Variants in ADAM17 observed in about 807,000 individuals in gnomAD.
ADAM17 encodes ADAM metallopeptidase domain 17.
ADAM17 carries 39 observed loss-of-function variants against 96.7 expected under a neutral mutation model. That is an observed-to-expected ratio of 0.40 (90% CI 0.31 to 0.53). The LOEUF is 0.53. Ranked by LOEUF, ADAM17 falls within the 20% of genes least tolerant of loss-of-function variation. ADAM17 has a pLI of 0.44. For missense variants in ADAM17, 777 were observed against 1,013.2 expected, an observed-to-expected ratio of 0.77 and a Z score of 3.17; for synonymous variants, 344 against 359.2, an observed-to-expected ratio of 0.96 and a Z score of 0.48.
Position 9,502,157 on chromosome 2 carries a change from C to G in ADAM17, c.1648+16G>C. ...CTTGACCCACAGCATTCCAAGGAAG[C>G]AACAAGAACACGAACCTGTGCAGTA... is the stretch of plus-strand genomic sequence containing the variant. On this transcript the variant is annotated intron_variant, in intron 13 of 18. Transcript: ENST00000310823. 2 of 1,607,186 alleles carry G rather than the reference C, an allele frequency of 1.2e-6. No individual in the cohort carries two copies. The highest frequency in any genetic ancestry group is 1.7e-6 in the Non-Finnish European group (2 of 1,174,204).
At chr2:9,523,127 T>C (rs1313534731) in intron 7 of ADAM17, 122 bp downstream of exon 7, 2 of 661,472 alleles carry the variant, frequency 3.0e-6, no homozygotes, top group Non-Finnish European at 2.5e-6. Context: ...AAAAAATCAT[T>C]GGCATCTGAG....
intron 1 of ADAM17, among the ~76,000 whole-genome samples, chr2:9,543,905 A>G (rs1345616593): frequency 6.6e-6 from 1 of 152,240 alleles, no homozygotes; most frequent in Non-Finnish European, 1.5e-5. Context: ...AACAGCTAGA[A>G]GACTTGTAAT....
chr2:9,513,496 C>G (rs1663856626), intron 10 of ADAM17, among the ~76,000 whole-genome samples: 1 of 152,116 alleles, frequency 6.6e-6, no homozygotes, highest in Non-Finnish European at 1.5e-5. Flanking sequence ...TCTTGTGGGA[C>G]TGGGCCCTCA....
At position 9,543,342 on chromosome 2, in the gene ADAM17, C is replaced by T. The variant is rs576672880; in HGVS notation, c.98-57G>A. 83 of 1,389,264 alleles carry T rather than the reference C, an allele frequency of 6.0e-5. 3 individuals are homozygous for T. In the South Asian group the frequency reaches 1.1e-3, roughly 19 times the overall value. 86.1% of individuals were successfully genotyped at this position (1,389,264 alleles called of 1,614,324 possible). ...TAAACCTAATAATCAATTGTAGTATCGTTAAAATGAGAGTGCCAGACAATA... is the reference window on the plus strand; with the variant it reads ...TAAACCTAATAATCAATTGTAGTATTGTTAAAATGAGAGTGCCAGACAATA... On this transcript the variant is annotated intron_variant, in intron 1 of 18. Transcript: ENST00000310823.
At position 9,502,078 on chromosome 2, in the gene ADAM17, A is replaced by C. The variant is rs1029436216; in HGVS notation, c.1648+95T>G. 36 of 1,077,444 alleles carry C rather than the reference A, an allele frequency of 3.3e-5. No individual in the cohort carries two copies. In the Admixed American group the frequency reaches 7.7e-4, roughly 23 times the overall value. 66.7% of individuals were successfully genotyped at this position (1,077,444 alleles called of 1,614,324 possible). A position where few individuals can be genotyped will look rare whatever the true frequency, so the allele number is the denominator to read the frequency against. On this transcript the variant is annotated intron_variant, in intron 13 of 18. Transcript: ENST00000310823. The stretch of plus-strand genomic sequence containing the variant: ...AACCCGGCATATGAGATTAAAAATA[A>C]GGTGTCTCTCATCTGAACAAAACAT...
chr2:9,549,809 G>A (rs542959538), intron 1 of ADAM17, among the ~76,000 whole-genome samples: 98 of 152,222 alleles, frequency 6.4e-4, no homozygotes, highest in Admixed American at 1.7e-3. Context: ...GTGAGCCACC[G>A]CGCCCAGCTT....
intron 10 of ADAM17, 146 bp downstream of exon 10, chr2:9,517,755 C>A: frequency 1.9e-6 from 1 of 532,078 alleles, no homozygotes; most frequent in East Asian, 3.5e-5. Flanking sequence ...TTCATATATC[C>A]CACAAAAATA....
intron 1 of ADAM17, among the ~76,000 whole-genome samples, chr2:9,553,792 G>C (rs919372669): frequency 2.0e-5 from 3 of 152,182 alleles, no homozygotes; most frequent in Non-Finnish European, 4.4e-5. Context: ...GGCCAGGAGC[G>C]GTGGTTCATG....
At position 9,493,740 on chromosome 2, in the gene ADAM17, C is replaced by T; in HGVS notation, c.1993+7G>A. 2 of 1,611,732 alleles carry T rather than the reference C, an allele frequency of 1.2e-6. No individual in the cohort carries two copies. The highest frequency in any genetic ancestry group is 1.7e-6 in the Non-Finnish European group (2 of 1,178,076). The stretch of plus-strand genomic sequence containing the variant: ...CTCTCAGTAAGTAATCTGGGGAAAT[C>T]ACCTACCAAAAGTATTGATGCTCAG... On this transcript the variant is annotated splice_region_variant and intron_variant, in intron 16 of 18. Coordinates refer to ENST00000310823, the MANE Select transcript of ADAM17 (RefSeq NM_003183.6).
At position 9,526,249 on chromosome 2, in the gene ADAM17, T is replaced by A; in HGVS notation, c.620-5A>T. ...TTTTCACTCGATGAACAAGCTCTAA[T>A]ATGAATTTGTATGCACTATTAAATC... On this transcript the variant is annotated splice_polypyrimidine_tract_variant and splice_region_variant and intron_variant, in intron 5 of 18. Transcript: ENST00000310823. 1 of 1,612,070 alleles carries A rather than the reference T, an allele frequency of 6.2e-7. No individual in the cohort carries two copies. Among genetic ancestry groups the A allele is most frequent in the Non-Finnish European group, 8.5e-7 (1 of 1,179,422 alleles).
intron 11 of ADAM17, chr2:9,507,124 G>C (rs1478684481): frequency 6.6e-6 from 1 of 152,090 alleles, no homozygotes; most frequent in East Asian, 1.9e-4. Context: ...TGTCTTTCTA[G>C]GTCAAGGAAC....
At chr2:9,516,598 C>T (rs145092594) in intron 10 of ADAM17, among the ~76,000 whole-genome samples, 2 of 151,782 alleles carry the variant, frequency 1.3e-5, no homozygotes, top group South Asian at 4.2e-4. Flanking sequence ...AACAAAAATA[C>T]AAAAATTAGC....
chr2:9,489,903 G>C lies in ADAM17; in HGVS notation c.*274C>G. Reference sequence around the variant, plus strand: ...ACGTAAATATTCATAACCCAATCCAGCTGTATTTTCTGCTTTTGCACCACA... The same window carrying C: ...ACGTAAATATTCATAACCCAATCCACCTGTATTTTCTGCTTTTGCACCACA... On this transcript the variant is annotated 3_prime_UTR_variant, in exon 19 of 19. Transcript: ENST00000310823. 1 of 366,278 alleles carries C rather than the reference G, an allele frequency of 2.7e-6. No individual in the cohort carries two copies. The highest frequency in any genetic ancestry group is 4.9e-6 in the Non-Finnish European group (1 of 202,188). The allele number at this position is 366,278 out of a possible 1,614,324, so 22.7% of individuals were successfully genotyped here.
chr2:9,525,299 G>GAA (rs374286925), intron 6 of ADAM17, among the ~76,000 whole-genome samples: 17,375 of 123,078 alleles, frequency 0.14, 1,385 homozygotes, highest in Middle Eastern at 0.28. Context: ...ACTCTGTGTT[G>GAA]AAAAAAAAAA....
intron 17 of ADAM17, among the ~76,000 whole-genome samples, chr2:9,492,130 T>C (rs183094817): frequency 1.7e-3 from 259 of 152,300 alleles, no homozygotes; most frequent in Non-Finnish European, 3.0e-3. Context: ...AAAAACTCCT[T>C]TGTCATCAGA....
chr2:9,520,816 T>C (rs941676633), intron 8 of ADAM17, among the ~76,000 whole-genome samples: 2 of 151,530 alleles, frequency 1.3e-5, no homozygotes, highest in African/African-American at 2.4e-5. Flanking sequence ...ATACAAAAAT[T>C]AGCCGGCCGT....
In ADAM17 at chr2:9,490,158, A is replaced by G; in HGVS notation, c.*19T>C. 6.4e-7 allele frequency: 1 copy of G among 1,572,636 alleles called. No individual in the cohort carries two copies. The highest frequency in any genetic ancestry group is 8.7e-7 in the Non-Finnish European group (1 of 1,151,210). Reference sequence around the variant, plus strand: ...TAAAAATATTTTGCACACTTAAGTCAGAAGAGCTGAGAACTAAATTAGCAC... The same window carrying G: ...TAAAAATATTTTGCACACTTAAGTCGGAAGAGCTGAGAACTAAATTAGCAC... On this transcript the variant is annotated 3_prime_UTR_variant, in exon 19 of 19. Transcript: ENST00000310823.
At chr2:9,532,542 G>C (rs2125031496) in intron 4 of ADAM17, among the ~76,000 whole-genome samples, 1 of 152,138 alleles carries the variant, frequency 6.6e-6, no homozygotes, top group South Asian at 2.1e-4. Context: ...TACAATCTCA[G>C]CTCACTGCAG....
At chr2:9,546,461 C>T (rs535463177) in intron 1 of ADAM17, among the ~76,000 whole-genome samples, 1 of 152,318 alleles carries the variant, frequency 6.6e-6, no homozygotes, top group African/African-American at 2.4e-5. Flanking sequence ...TTTTCACTAA[C>T]AAGTAACCTC....
Sources: gnomAD v4.1 joint callset for allele counts (sites outside exome capture counted in the v4.1 genomes callset) on GRCh38, gnomAD v4.1.1 for gene constraint, MANE v1.5 for transcripts, NCBI Gene and HGNC (gene_info 2026-07-23, HGNC 2026-07-21) for gene names.